The following MACROD2 variants were observed in gnomAD, a reference collection of about 807,000 sequenced individuals.
MACROD2 encodes the protein mono-ADP ribosylhydrolase 2.
A neutral mutation model predicts 70.4 loss-of-function variants in MACROD2; 36 were observed. That is an observed-to-expected ratio of 0.51 (90% CI 0.39 to 0.68). The LOEUF (loss-of-function observed/expected upper bound fraction) is 0.68, where lower values mean the gene tolerates loss of function less well. Among genes scored for constraint, MACROD2 ranks in the 30% least tolerant of loss-of-function variants. The pLI is 0.00. For synonymous variants in MACROD2, 172 were observed against 178.8 expected (o/e 0.96, Z 0.30); for missense variants, 496 against 538.4 (o/e 0.92, Z 0.78).
chr20:15,584,446 A>T (rs562421322), intron 8 of MACROD2, among the ~76,000 whole-genome samples: 1 of 152,378 alleles, frequency 6.6e-6, no homozygotes, highest in South Asian at 2.1e-4. Context: ...GTTTTGGGAA[A>T]AAAATGAGAT....
chr20:14,009,717 C>T (rs561175976), intron 2 of MACROD2, among the ~76,000 whole-genome samples: 3 of 152,286 alleles, frequency 2.0e-5, no homozygotes, highest in African/African-American at 7.2e-5. Flanking sequence ...ATAGACTCAA[C>T]CTAAATGCCC....
intron 5 of MACROD2, among the ~76,000 whole-genome samples, chr20:15,022,659 CA>C (rs1213478442): frequency 2.6e-5 from 4 of 152,176 alleles, no homozygotes; most frequent in Non-Finnish European, 5.9e-5. Flanking sequence ...TGGTTGTCCA[CA>C]ATGACGAGTA....
intron 10 of MACROD2, among the ~76,000 whole-genome samples, chr20:15,904,826 A>G (rs1293953267): frequency 1.3e-5 from 2 of 149,786 alleles, no homozygotes; most frequent in Non-Finnish European, 3.0e-5. Context: ...GCTTGCAGTG[A>G]GCCACGATCG....
intron 10 of MACROD2, among the ~76,000 whole-genome samples, chr20:15,912,966 C>G (rs1377525119): frequency 2.0e-5 from 3 of 152,130 alleles, no homozygotes; most frequent in African/African-American, 7.2e-5. Flanking sequence ...ACAAGGCCAG[C>G]CAGATCTGGG....
chr20:14,770,255 CAT>C (rs1257083401), intron 5 of MACROD2, among the ~76,000 whole-genome samples: 1 of 151,406 alleles, frequency 6.6e-6, no homozygotes, highest in East Asian at 1.9e-4. Flanking sequence ...CTGTGGTGAA[CAT>C]ATGTTACTTA....
chr20:14,005,267 A>C (rs989644420), intron 2 of MACROD2, among the ~76,000 whole-genome samples: 4 of 152,138 alleles, frequency 2.6e-5, no homozygotes, highest in African/African-American at 9.6e-5. Flanking sequence ...GATTACCAAA[A>C]AATAAAAATA....
intron 8 of MACROD2, among the ~76,000 whole-genome samples, chr20:15,784,624 T>A (rs539069995): frequency 2.0e-5 from 3 of 152,150 alleles, no homozygotes; most frequent in Non-Finnish European, 4.4e-5. Context: ...GCTATTCAGT[T>A]TTTTTGGCAA....
chr20:15,220,771 A>AT (rs1028141241), intron 5 of MACROD2, among the ~76,000 whole-genome samples: 1 of 148,958 alleles, frequency 6.7e-6, no homozygotes, highest in Non-Finnish European at 1.5e-5. Flanking sequence ...AGAGAAAAAA[A>AT]TGGGGGGGGC....
chr20:14,836,912 C>T (rs997047767), intron 5 of MACROD2, among the ~76,000 whole-genome samples: 2 of 152,012 alleles, frequency 1.3e-5, no homozygotes, highest in Admixed American at 1.3e-4. Flanking sequence ...GATCCAAGAA[C>T]TATTTGGTGA....
intron 8 of MACROD2, among the ~76,000 whole-genome samples, chr20:15,784,798 T>C (rs1298325169): frequency 2.0e-5 from 3 of 152,094 alleles, no homozygotes; most frequent in African/African-American, 7.2e-5. Context: ...TTTTCTGAAT[T>C]TTGAAAATTT....
chr20:14,713,245 A>G (rs1317441680), intron 5 of MACROD2, among the ~76,000 whole-genome samples: 1 of 152,258 alleles, frequency 6.6e-6, no homozygotes, highest in South Asian at 2.1e-4. Flanking sequence ...CCAGGTGCTC[A>G]CTCAGATTTG....
chr20:14,991,013 C>G (rs1029773642), intron 5 of MACROD2, among the ~76,000 whole-genome samples: 2 of 152,170 alleles, frequency 1.3e-5, no homozygotes, highest in Non-Finnish European at 2.9e-5. Flanking sequence ...GAGACTGTCT[C>G]TTTTTCAACA....
chr20:14,043,309 G>T (rs1318624557), intron 2 of MACROD2, among the ~76,000 whole-genome samples: 4 of 152,196 alleles, frequency 2.6e-5, no homozygotes, highest in Admixed American at 6.5e-5. Flanking sequence ...AGCTGCTGAA[G>T]TGGCTTACAG....
At chr20:15,845,202 G>A (rs1023573014) in intron 8 of MACROD2, among the ~76,000 whole-genome samples, 2 of 152,090 alleles carry the variant, frequency 1.3e-5, no homozygotes, top group African/African-American at 2.4e-5. Context: ...CTGGATTAAG[G>A]TAGATCCTAA....
intron 8 of MACROD2, among the ~76,000 whole-genome samples, chr20:15,804,160 C>A (rs1177448102): frequency 6.6e-6 from 1 of 152,186 alleles, no homozygotes; most frequent in African/African-American, 2.4e-5. Context: ...TCCATCAGAT[C>A]AGGCCCTACT....
intron 5 of MACROD2, among the ~76,000 whole-genome samples, chr20:14,714,301 C>T (rs1266361503): frequency 6.6e-6 from 1 of 152,052 alleles, no homozygotes; most frequent in East Asian, 1.9e-4. Flanking sequence ...CACCAAGAAC[C>T]TACCATGTGC....
chr20:14,627,323 T>C (rs1227279112), intron 4 of MACROD2, among the ~76,000 whole-genome samples: 17 of 152,126 alleles, frequency 1.1e-4, no homozygotes, highest in Admixed American at 1.1e-3. Context: ...AAGGCCATGG[T>C]TCCTCCCTGG....
In MACROD2 at chr20:15,007,535, C is replaced by G. The variant is rs149026186; in HGVS notation, c.419-222405C>G. Among the ~76,000 whole-genome samples the G allele has an allele frequency of 8.5e-5, 13 of 152,224 alleles. No individual in the cohort carries two copies. The East Asian group carries it at 2.5e-3, about 29-fold the overall frequency. On this transcript the variant is annotated intron_variant, in intron 5 of 17. Coordinates refer to ENST00000684519, the MANE Select transcript of MACROD2 (RefSeq NM_001351661.2). The stretch of plus-strand genomic sequence containing the variant: ...AGAACTTGGAACTCTAACTGGTGGA[C>G]TATGTCACTCAGGGTTCAGGTGCAG...
chr20:15,725,083 A>G (rs1018947937), intron 8 of MACROD2, among the ~76,000 whole-genome samples: 6 of 152,194 alleles, frequency 3.9e-5, no homozygotes, highest in African/African-American at 1.4e-4. Flanking sequence ...CTCCATCTCA[A>G]AAAACAAACA....
Sources: gnomAD v4.1 joint callset for allele counts (sites outside exome capture counted in the v4.1 genomes callset) on GRCh38, gnomAD v4.1.1 for gene constraint, MANE v1.5 for transcripts, NCBI Gene and HGNC (gene_info 2026-07-23, HGNC 2026-07-21) for gene names.